SLC12A7: variants seen among roughly 807,000 people sequenced by gnomAD.
The protein encoded by SLC12A7 is solute carrier family 12 member 7.
In SLC12A7, 100 loss-of-function variants were observed where a neutral mutation model predicts 120.6. That is an observed-to-expected ratio of 0.83 (90% CI 0.71 to 0.98). The LOEUF is 0.98. Among genes scored for constraint, SLC12A7 ranks in the 50% least tolerant of loss-of-function variants. The pLI is 0.00. For missense variants in SLC12A7, 1,373 were observed against 1,548.1 expected, an observed-to-expected ratio of 0.89 and a Z score of 1.90; for synonymous variants, 760 against 678.0, an observed-to-expected ratio of 1.12 and a Z score of -1.88.
At chr5:1,094,065 C>T (rs2150880247) in intron 2 of SLC12A7, 89 bp downstream of exon 2, 2 of 980,184 alleles carry the variant, frequency 2.0e-6, no homozygotes, top group Admixed American at 1.9e-5. Context: ...CTGTGGGAGG[C>T]CCCGGCCTGG....
chr5:1,085,822 G>A (rs941662668), intron 6 of SLC12A7, among the ~76,000 whole-genome samples: 5 of 152,242 alleles, frequency 3.3e-5, no homozygotes, highest in African/African-American at 7.2e-5. Context: ...CGGGGCATCC[G>A]CATGTCCGCA....
chr5:1,135,902 C>G, the SLC12A7 span, among the ~76,000 whole-genome samples: 3 of 152,188 alleles, frequency 2.0e-5, no homozygotes, highest in Non-Finnish European at 4.4e-5. Context: ...AACGCACTCC[C>G]CGTTTCCCTC....
intron 22 of SLC12A7, among the ~76,000 whole-genome samples, chr5:1,055,956 C>A (rs1041877635): frequency 6.6e-6 from 1 of 152,188 alleles, no homozygotes; most frequent in African/African-American, 2.4e-5. Context: ...CACTCAGGCA[C>A]CAGGCACTGC....
chr5:1,075,350 A>AG (rs1451029995), intron 15 of SLC12A7, 21 bp downstream of exon 15: 1 of 1,604,898 alleles, frequency 6.2e-7, no homozygotes, highest in African/African-American at 1.3e-5. Flanking sequence ...CGGGTCTGTA[A>AG]GGGGGGCTGA....
At chr5:1,089,644 C>T (rs946217286) in intron 3 of SLC12A7, among the ~76,000 whole-genome samples, 3 of 152,126 alleles carry the variant, frequency 2.0e-5, no homozygotes, top group East Asian at 3.9e-4. Flanking sequence ...TAACCGGGCA[C>T]GGAGGTCACC....
At chr5:1,130,560 C>A in the SLC12A7 span, among the ~76,000 whole-genome samples, 1 of 152,056 alleles carries the variant, frequency 6.6e-6, no homozygotes, top group African/African-American at 2.4e-5. Flanking sequence ...CGCGCAGGTC[C>A]CCTCACCTCC....
intron 21 of SLC12A7, among the ~76,000 whole-genome samples, chr5:1,059,620 A>G (rs1214682871): frequency 6.6e-6 from 1 of 152,102 alleles, no homozygotes; most frequent in South Asian, 2.1e-4. Context: ...GGGGTCTCAC[A>G]GTGGCCATGG....
chr5:1,099,070 G>A (rs1741707635), intron 1 of SLC12A7, among the ~76,000 whole-genome samples: 2 of 152,080 alleles, frequency 1.3e-5, no homozygotes, highest in Non-Finnish European at 2.9e-5. Context: ...GTGGCCCACA[G>A]TGTCTAACCC....
chr5:1,087,281 G>A lies in SLC12A7; in HGVS notation c.545-248C>T, dbSNP rs139497682. On this transcript the variant is annotated intron_variant, in intron 5 of 23. Transcript: ENST00000264930. ...GACATGAGGACCAGGTGAGATCAGG[G>A]ATAAGGCTCTCTGGGGAGCAGGAGG... 2.4e-3 allele frequency among the ~76,000 whole-genome samples: 360 copies of A among 152,320 alleles called. 2 individuals carry two copies. The highest frequency in any genetic ancestry group is 8.2e-3 in the African/African-American group (340 of 41,576).
intron 3 of SLC12A7, among the ~76,000 whole-genome samples, chr5:1,090,124 G>A (rs1740328820): frequency 6.6e-6 from 1 of 152,234 alleles, no homozygotes; most frequent in Admixed American, 6.5e-5. Flanking sequence ...CAGGCCTGGG[G>A]AGGATGGGAA....
the SLC12A7 span, among the ~76,000 whole-genome samples, chr5:1,131,161 C>T: frequency 0.023 from 3,534 of 152,240 alleles, 151 homozygotes; most frequent in African/African-American, 0.081. Context: ...AGGGACGTCC[C>T]GGATCGCTAG....
intron 1 of SLC12A7, 59 bp from the exon 2 acceptor site, chr5:1,094,307 G>T (rs970743647): frequency 5.0e-5 from 63 of 1,267,860 alleles, no homozygotes; most frequent in Middle Eastern, 1.8e-4. Flanking sequence ...AAGCACAGAA[G>T]GCCAACTACA....
At position 1,073,751 on chromosome 5, in the gene SLC12A7, T is replaced by G. The variant is rs895971520; in HGVS notation, c.2123A>C (p.His708Pro). ...LNLDAEQAVKHPRLLSFTSQL... is the reference protein window; with the variant it reads ...LNLDAEQAVKPPRLLSFTSQL... Reference sequence around the variant, plus strand: ...CGACGTGAAGGACAGCAGGCGGGGGTGCTTCACGGCCTGCTCCGCGTCCAG... The same window carrying G: ...CGACGTGAAGGACAGCAGGCGGGGGGGCTTCACGGCCTGCTCCGCGTCCAG... Residue 708 changes from histidine (H) to proline (P), a missense_variant, in exon 17 of 24, where the codon CAC (histidine) becomes CCC (proline). Transcript: ENST00000264930. The G allele has an allele frequency of 1.3e-6, 2 of 1,556,344 alleles. No homozygotes were observed. The highest frequency in any genetic ancestry group is 1.2e-5 in the South Asian group (1 of 84,088).
At chr5:1,153,233 AG>A in the SLC12A7 span, among the ~76,000 whole-genome samples, 1 of 152,174 alleles carries the variant, frequency 6.6e-6, no homozygotes, top group Non-Finnish European at 1.5e-5. Flanking sequence ...TGGGCGGTCC[AG>A]CCCAGCCTCC....
chr5:1,088,892 G>C (rs1579400432), intron 4 of SLC12A7, 90 bp downstream of exon 4: 1 of 1,529,654 alleles, frequency 6.5e-7, no homozygotes, highest in African/African-American at 1.4e-5. Context: ...CACAACCACA[G>C]CGGCCAGGGG....
Position 1,065,512 on chromosome 5 carries a change from G to A in SLC12A7, c.2242-34C>T, listed in dbSNP as rs767179696. On this transcript the variant is annotated intron_variant, in intron 17 of 23. Transcript: ENST00000264930. The stretch of plus-strand genomic sequence containing the variant: ...GACAGGACAGGTTGGTGCTACAGCA[G>A]GAATGGGGTGCACAGACCCACGCCC... The A allele has an allele frequency of 3.3e-6, 5 of 1,527,610 alleles. No homozygotes were observed. The African/African-American group carries it at 5.5e-5, about 17-fold the overall frequency. 94.6% of individuals were successfully genotyped at this position (1,527,610 alleles called of 1,614,324 possible). A position where few individuals can be genotyped will look rare whatever the true frequency, so the allele number is the denominator to read the frequency against.
At chr5:1,059,125 C>G (rs1373664541) in intron 21 of SLC12A7, among the ~76,000 whole-genome samples, 1 of 152,244 alleles carries the variant, frequency 6.6e-6, no homozygotes, top group Non-Finnish European at 1.5e-5. Flanking sequence ...GGACAGAAAA[C>G]AGAGGATGTG....
the SLC12A7 span, among the ~76,000 whole-genome samples, chr5:1,130,059 CACG>C: frequency 6.6e-6 from 1 of 152,180 alleles, no homozygotes; most frequent in African/African-American, 2.4e-5. Context: ...ATATCTCCTC[CACG>C]ACTTTACTTC....
the SLC12A7 span, among the ~76,000 whole-genome samples, chr5:1,132,289 C>T: frequency 6.6e-6 from 1 of 152,160 alleles, no homozygotes; most frequent in African/African-American, 2.4e-5. Context: ...GGGAGGAGCC[C>T]ACAGTTCTGG....
Sources: gnomAD v4.1 joint callset for allele counts (sites outside exome capture counted in the v4.1 genomes callset) on GRCh38, gnomAD v4.1.1 for gene constraint, MANE v1.5 for transcripts, NCBI Gene and HGNC (gene_info 2026-07-23, HGNC 2026-07-21) for gene names.